Variants in RAB6A observed in about 807,000 individuals in gnomAD.
RAB6A encodes the protein RAB6A, member RAS oncogene family.
RAB6A carries 8 observed loss-of-function variants against 32.3 expected under a neutral mutation model. The ratio of observed to expected loss-of-function variants is 0.25; its 90% CI spans 0.15 to 0.45. The LOEUF is 0.45. Among genes scored for constraint, RAB6A ranks in the 20% least tolerant of loss-of-function variants. The probability of loss-of-function intolerance (pLI) is 1.00; values close to 1 mark genes in which losing one functional copy is unlikely to be tolerated. For missense variants in RAB6A, 104 were observed against 249.4 expected (o/e 0.42, Z 3.93); for synonymous variants, 73 against 82.1 (o/e 0.89, Z 0.60).
At chr11:73,733,146 T>G (rs1288503837) in intron 1 of RAB6A, among the ~76,000 whole-genome samples, 1 of 152,180 alleles carries the variant, frequency 6.6e-6, no homozygotes, top group Non-Finnish European at 1.5e-5. Flanking sequence ...GAAACTTGTC[T>G]TGGTTGGCAG....
At chr11:73,695,579 A>T (rs1314722551) in intron 6 of RAB6A, among the ~76,000 whole-genome samples, 1 of 152,050 alleles carries the variant, frequency 6.6e-6, no homozygotes, top group Non-Finnish European at 1.5e-5. Flanking sequence ...ATGGGGTTTC[A>T]CCATGTTGGT....
At chr11:73,679,461 G>A (rs1241150622) in intron 7 of RAB6A, among the ~76,000 whole-genome samples, 193 bp downstream of exon 7, 1 of 152,120 alleles carries the variant, frequency 6.6e-6, no homozygotes, top group African/African-American at 2.4e-5. Flanking sequence ...GATTAACAAC[G>A]AGAAGCAGGC....
chr11:73,732,551 G>A (rs746558664), intron 1 of RAB6A, among the ~76,000 whole-genome samples: 24 of 152,132 alleles, frequency 1.6e-4, no homozygotes, highest in Non-Finnish European at 2.4e-4. Flanking sequence ...GCGCCACCGC[G>A]CTCCAGACTG....
chr11:73,717,503 G>A (rs1051804021), intron 4 of RAB6A, among the ~76,000 whole-genome samples: 14 of 152,220 alleles, frequency 9.2e-5, no homozygotes, highest in Admixed American at 2.0e-4. Flanking sequence ...GGAGTGCAAT[G>A]GCACGGTCTT....
At chr11:73,735,937 A>AAAAAAAAAAAG (rs56012322) in intron 1 of RAB6A, among the ~76,000 whole-genome samples, 1 of 123,554 alleles carries the variant, frequency 8.1e-6, no homozygotes, top group Non-Finnish European at 1.7e-5. Flanking sequence ...AAAAAAAAAA[A>AAAAAAAAAAAG]AGAGAGAGAG....
At chr11:73,740,640 G>A (rs974442166) in intron 1 of RAB6A, among the ~76,000 whole-genome samples, 10 of 151,226 alleles carry the variant, frequency 6.6e-5, no homozygotes, top group African/African-American at 2.2e-4. Flanking sequence ...GGTAATCCCA[G>A]CACTTTGGGA....
intron 5 of RAB6A, among the ~76,000 whole-genome samples, chr11:73,712,800 C>T (rs1945984307): frequency 6.6e-6 from 1 of 150,554 alleles, no homozygotes; most frequent in Non-Finnish European, 1.5e-5. Context: ...GATCACTGAC[C>T]TCTCCCTCCT....
rs1555066890 is a variant in RAB6A at position 73,739,263 on chromosome 11, T to TTAAAAAAAAAA, written c.71-8441_71-8440insTTTTTTTTTTA. ...GCAAAAAAAAAATAGTAATAATAAT[T>TTAAAAAAAAAA]AAAAAAAAAAAAAAAAAAAAAATAT... On this transcript the variant is annotated intron_variant, in intron 1 of 7. Transcript: ENST00000336083. 6.5e-3 allele frequency among the ~76,000 whole-genome samples: 61 copies of TTAAAAAAAAAA among 9,378 alleles called. 4 individuals are homozygous for TTAAAAAAAAAA. Among genetic ancestry groups the TTAAAAAAAAAA allele is most frequent in the South Asian group, 0.015 (2 of 136 alleles). 6.2% of individuals were successfully genotyped at this position (9,378 alleles called of 152,430 possible). A position where few individuals can be genotyped will look rare whatever the true frequency, so the allele number is the denominator to read the frequency against.
intron 1 of RAB6A, among the ~76,000 whole-genome samples, chr11:73,755,643 C>CCTAT (rs1946736194): frequency 6.6e-6 from 1 of 152,030 alleles, no homozygotes; most frequent in Non-Finnish European, 1.5e-5. Flanking sequence ...GTGGCATGTG[C>CCTAT]CTATAGTCCC....
intron 6 of RAB6A, among the ~76,000 whole-genome samples, chr11:73,681,908 G>T (rs1181258116): frequency 1.3e-5 from 2 of 152,150 alleles, no homozygotes; most frequent in African/African-American, 4.8e-5. Flanking sequence ...TGAAAATGGG[G>T]AAAACTCTAA....
intron 5 of RAB6A, among the ~76,000 whole-genome samples, chr11:73,713,639 GCTCT>G (rs1162278024): frequency 1.3e-5 from 2 of 151,860 alleles, no homozygotes; most frequent in Non-Finnish European, 2.9e-5. Flanking sequence ...AGGAGAATAT[GCTCT>G]CTATGTATTC....
At chr11:73,698,488 C>T (rs1945689219) in intron 6 of RAB6A, among the ~76,000 whole-genome samples, 1 of 152,196 alleles carries the variant, frequency 6.6e-6, no homozygotes, top group South Asian at 2.1e-4. Context: ...AAGTTAAACA[C>T]TTGGTACATT....
chr11:73,692,141 A>G (rs919056357), intron 6 of RAB6A, among the ~76,000 whole-genome samples: 18 of 152,154 alleles, frequency 1.2e-4, no homozygotes, highest in African/African-American at 4.3e-4. Flanking sequence ...GCTTATTTTC[A>G]TATCAAGTCA....
intron 6 of RAB6A, among the ~76,000 whole-genome samples, chr11:73,700,583 CA>C (rs11458879): frequency 3.3e-5 from 1 of 30,496 alleles, no homozygotes; most frequent in Non-Finnish European, 5.4e-5. Flanking sequence ...GACCCTGTCT[CA>C]AAAAAAAAAA....
chr11:73,744,428 T>G (rs1185877655), intron 1 of RAB6A, among the ~76,000 whole-genome samples: 2 of 143,250 alleles, frequency 1.4e-5, no homozygotes, highest in Non-Finnish European at 3.0e-5. Flanking sequence ...GGAGTATCAC[T>G]TGAGCCCAGG....
chr11:73,757,636 C>T (rs1398254832), intron 1 of RAB6A, among the ~76,000 whole-genome samples: 3 of 152,086 alleles, frequency 2.0e-5, no homozygotes, highest in African/African-American at 2.4e-5. Context: ...AAAAAAAGTA[C>T]AAAATTCAGG....
intron 6 of RAB6A, among the ~76,000 whole-genome samples, chr11:73,695,314 G>A (rs145588176): frequency 2.6e-5 from 4 of 151,532 alleles, no homozygotes; most frequent in African/African-American, 9.7e-5. Context: ...GACTAAGTAT[G>A]AGACTAGTAC....
rs1019470900 is a variant in RAB6A, at chr11:73,695,954, TGTAAA to T, written c.495+11461_495+11465del. On this transcript the variant is annotated intron_variant, in intron 6 of 7. Coordinates refer to ENST00000336083, the MANE Select transcript of RAB6A (RefSeq NM_198896.2). ...AAAATTTTTTTAGGGATAATTTTAA[TGTAAA>T]GAGATACACTGGAGAAGGAGATTTC... 2.0e-5 allele frequency among the ~76,000 whole-genome samples: 3 copies of T among 152,188 alleles called. No homozygotes were observed. In the South Asian group the frequency reaches 6.2e-4, roughly 32 times the overall value.
At position 73,752,598 on chromosome 11, in the gene RAB6A, G is replaced by C. The variant is rs60280112; in HGVS notation, c.70+7968C>G. Among the ~76,000 whole-genome samples the C allele has an allele frequency of 3.8e-3, 574 of 152,170 alleles. 4 individuals carry two copies. The highest frequency in any genetic ancestry group is 0.013 in the African/African-American group (546 of 41,526). On this transcript the variant is annotated intron_variant, in intron 1 of 7. Coordinates refer to ENST00000336083, the MANE Select transcript of RAB6A (RefSeq NM_198896.2). ...CTGGGAGACCGAGGCCAGGCAGATC[G>C]CATGAGCTCAGGAATTCGAGATGAG...
Sources: gnomAD v4.1 joint callset for allele counts (sites outside exome capture counted in the v4.1 genomes callset) on GRCh38, gnomAD v4.1.1 for gene constraint, MANE v1.5 for transcripts, NCBI Gene and HGNC (gene_info 2026-07-23, HGNC 2026-07-21) for gene names.